IL1A: variants seen among roughly 807,000 people sequenced by gnomAD.
The protein encoded by IL1A is interleukin-1 alpha.
In IL1A, 16 loss-of-function variants were observed where a neutral mutation model predicts 22.2. The observed-to-expected ratio is 0.72, with a 90% confidence interval of 0.49 to 1.09. The LOEUF is 1.09. IL1A is among the 50% of genes least tolerant of loss of function. The pLI, the probability that IL1A is intolerant of heterozygous loss-of-function variation, is 0.00. For synonymous variants in IL1A, 113 were observed against 118.5 expected (o/e 0.95, Z 0.30); for missense variants, 317 against 321.8 (o/e 0.99, Z 0.11).
chr2:112,781,939 T>C, intron 3 of IL1A, 113 bp from the exon 4 acceptor site: 1 of 705,880 alleles, frequency 1.4e-6, no homozygotes, highest in Non-Finnish European at 2.5e-6. Context: ...ATTCTGGTCT[T>C]AGGTAACTGG....
At chr2:112,782,855 A>G (rs1418033566) in intron 2 of IL1A, 91 bp from the exon 3 acceptor site, 18 of 862,840 alleles carry the variant, frequency 2.1e-5, no homozygotes, top group Non-Finnish European at 3.5e-5. Flanking sequence ...GTTGTGGGTC[A>G]CACACATACA....
rs762250148 is a variant in IL1A at position 112,774,922 on chromosome 2, T to TA, written c.*144dup. The TA allele has an allele frequency of 1.0e-4, 64 of 640,986 alleles. No homozygotes were observed. The highest frequency in any genetic ancestry group is 1.7e-4 in the Non-Finnish European group (60 of 363,610). The allele number at this position is 640,986 out of a possible 1,614,324, so 39.7% of individuals were successfully genotyped here. ...TATATGTTAGTGTTGGTTCCACTCT[T>TA]ACAAAGAGTGTAAACATTCATTTAG... On this transcript the variant is annotated 3_prime_UTR_variant, in exon 7 of 7. Coordinates refer to ENST00000263339, the MANE Select transcript of IL1A (RefSeq NM_000575.5).
At chr2:112,778,187 G>A in intron 5 of IL1A, 76 bp from the exon 6 acceptor site, 1 of 1,251,574 alleles carries the variant, frequency 8.0e-7, no homozygotes. Context: ...TAGATTGTGT[G>A]TGCATGGTGT....
In IL1A at chr2:112,782,132, C is replaced by T. The variant is rs3783576; in HGVS notation, c.97-306G>A. Reference sequence around the variant, plus strand: ...GGTAGCTTTCCAATTAGTTCCCTCTCAGGAGGTTAAAAATCTGCTTAACAA... The same window carrying T: ...GGTAGCTTTCCAATTAGTTCCCTCTTAGGAGGTTAAAAATCTGCTTAACAA... On this transcript the variant is annotated intron_variant, in intron 3 of 6. Coordinates refer to ENST00000263339, the MANE Select transcript of IL1A (RefSeq NM_000575.5). Among the ~76,000 whole-genome samples the T allele has an allele frequency of 5.4e-3, 816 of 152,332 alleles. 9 individuals are homozygous for T. Among genetic ancestry groups the T allele is most frequent in the African/African-American group, 0.019 (789 of 41,560 alleles).
At chr2:112,780,518 A>AT (rs1201410414) in intron 4 of IL1A, among the ~76,000 whole-genome samples, 1 of 152,218 alleles carries the variant, frequency 6.6e-6, no homozygotes, top group Non-Finnish European at 1.5e-5. Flanking sequence ...CAGTAAAGGG[A>AT]TGGAGGAGAA....
chr2:112,777,434 A>G (rs1681118452), intron 6 of IL1A, among the ~76,000 whole-genome samples: 1 of 152,186 alleles, frequency 6.6e-6, no homozygotes, highest in Admixed American at 6.5e-5. Flanking sequence ...TGGAGAAAAC[A>G]TCTAAGGCTG....
intron 2 of IL1A, 88 bp downstream of exon 2, chr2:112,783,636 C>T: frequency 1.8e-6 from 2 of 1,090,290 alleles, no homozygotes; most frequent in Non-Finnish European, 2.8e-6. Context: ...GCCGGCCTGC[C>T]CCCATGCTGG....
Position 112,779,550 on chromosome 2 carries a change from G to A in IL1A, c.436C>T (p.Arg146Ter). 3 of 1,610,058 alleles carry A rather than the reference G, an allele frequency of 1.9e-6. No individual in the cohort carries two copies. Among genetic ancestry groups the A allele is most frequent in the Non-Finnish European group, 2.5e-6 (3 of 1,177,050 alleles). The part of the protein sequence containing the change: ...LNDALNQSII[R>*]ANDQYLTAAA... ...GCCGTGAGGTACTGATCATTGGCTC[G>A]AATTATACTTTGATTGAGGGCGTCA... is the stretch of plus-strand genomic sequence containing the variant. The change falls in exon 5 of 7, where the codon CGA becomes TGA. Residue 146 changes from arginine (R) to a stop codon, truncating the protein, a stop_gained. Coordinates refer to ENST00000263339, the MANE Select transcript of IL1A (RefSeq NM_000575.5). LOFTEE classifies it high-confidence loss of function.
Position 112,774,930 on chromosome 2 carries a change from G to C in IL1A, c.*137C>G. Reference sequence around the variant, plus strand: ...AGTGTTGGTTCCACTCTTACAAAGAGTGTAAACATTCATTTAGAATTACAA... The same window carrying C: ...AGTGTTGGTTCCACTCTTACAAAGACTGTAAACATTCATTTAGAATTACAA... On this transcript the variant is annotated 3_prime_UTR_variant, in exon 7 of 7. Coordinates refer to ENST00000263339, the MANE Select transcript of IL1A (RefSeq NM_000575.5). 2 of 657,276 alleles carry C rather than the reference G, an allele frequency of 3.0e-6. No homozygotes were observed. Among genetic ancestry groups the C allele is most frequent in the Non-Finnish European group, 5.4e-6 (2 of 373,284 alleles). The allele number at this position is 657,276 out of a possible 1,614,324, so 40.7% of individuals were successfully genotyped here.
At position 112,778,085 on chromosome 2, in the gene IL1A, A is replaced by T. The variant is rs773846301; in HGVS notation, c.517T>A (p.Ser173Thr). The T allele has an allele frequency of 7.4e-6, 12 of 1,613,432 alleles. 1 individual carries two copies. Among genetic ancestry groups the T allele is most frequent in the South Asian group, 4.4e-5 (4 of 90,998 alleles). The change falls in exon 6 of 7, where the codon TCA (serine) becomes ACA (threonine). Residue 173 changes from serine to threonine, a missense_variant. Ser to Thr is a moderately conservative substitution (Grantham distance 58). Coordinates refer to ENST00000263339, the MANE Select transcript of IL1A (RefSeq NM_000575.5). ...GTAATTTTAGCATCATCCTTTGATGACTTATAAGCACCCATGTCAAATTTC... is the reference window on the plus strand; with the variant it reads ...GTAATTTTAGCATCATCCTTTGATGTCTTATAAGCACCCATGTCAAATTTC... The part of the protein sequence containing the change: ...AVKFDMGAYK[S>T]SKDDAKITVI...
chr2:112,777,956 GAAGGT>G (rs774929055), intron 6 of IL1A, 26 bp downstream of exon 6: 2 of 1,612,294 alleles, frequency 1.2e-6, no homozygotes, highest in Non-Finnish European at 1.7e-6. Context: ...AGATGTAAAT[GAAGGT>G]AAGTTGGAGA....
Position 112,773,972 on chromosome 2 carries a change from C to T in IL1A, c.*1095G>A, listed in dbSNP as rs998954266. On this transcript the variant is annotated 3_prime_UTR_variant, in exon 7 of 7. Coordinates refer to ENST00000263339, the MANE Select transcript of IL1A (RefSeq NM_000575.5). ...TTATGACTGATAACACTCTATCAAT[C>T]ACTATTGTTGATAATAATGTAACAT... 1 of 152,138 alleles carries T rather than the reference C, an allele frequency of 6.6e-6. No individual in the cohort carries two copies. Among genetic ancestry groups the T allele is most frequent in the Admixed American group, 6.6e-5 (1 of 15,262 alleles). 9.4% of individuals were successfully genotyped at this position (152,138 alleles called of 1,614,324 possible).
At chr2:112,777,051 A>G (rs946705039) in intron 6 of IL1A, among the ~76,000 whole-genome samples, 1 of 150,820 alleles carries the variant, frequency 6.6e-6, no homozygotes, top group Non-Finnish European at 1.5e-5. Flanking sequence ...CTTTGTTTTT[A>G]CCACTTTGTC....
chr2:112,775,075 G>C lies in IL1A; in HGVS notation c.808C>G (p.Gln270Glu). The C allele has an allele frequency of 3.1e-6, 5 of 1,613,730 alleles. No homozygotes were observed. Among genetic ancestry groups the C allele is most frequent in the Non-Finnish European group, 4.2e-6 (5 of 1,179,698 alleles). The change falls in exon 7 of 7, where the codon CAG (glutamine) becomes GAG (glutamate). Residue 270 changes from glutamine to glutamate, a missense_variant. Transcript: ENST00000263339. ...CAAGTGAGACTCCAGACCTACGCCT[G>C]GTTTTCCAGTATCTGAAAGTCAGTG... is the stretch of plus-strand genomic sequence containing the variant. ...SITDFQILENQA is the reference protein window; with the variant it reads ...SITDFQILENEA
chr2:112,778,193 G>GTGTGT, intron 5 of IL1A, 82 bp from the exon 6 acceptor site: 2 of 661,606 alleles, frequency 3.0e-6, no homozygotes, highest in Non-Finnish European at 5.0e-6. Flanking sequence ...GTGTGTGCAT[G>GTGTGT]GTGTGTGTGT....
chr2:112,782,420 C>T (rs970550842), intron 3 of IL1A, among the ~76,000 whole-genome samples: 19 of 152,214 alleles, frequency 1.2e-4, no homozygotes, highest in African/African-American at 4.3e-4. Context: ...CCTGGTGAAG[C>T]GGCCTGCGGG....
rs1681251187 is a variant in IL1A at position 112,783,607 on chromosome 2, A to G, written c.47+117T>C. 3.7e-5 allele frequency: 30 copies of G among 805,740 alleles called. 1 individual carries two copies. In the South Asian group the frequency reaches 4.3e-4, roughly 12 times the overall value. The allele number at this position is 805,740 out of a possible 1,614,324, so 49.9% of individuals were successfully genotyped here. ...AACCTGCTCTGACTTCAGGACTAGTACACATCTCTACAACCTCTGCCGGCC... is the reference window on the plus strand; with the variant it reads ...AACCTGCTCTGACTTCAGGACTAGTGCACATCTCTACAACCTCTGCCGGCC... On this transcript the variant is annotated intron_variant, in intron 2 of 6. Transcript: ENST00000263339.
intron 2 of IL1A, 151 bp from the exon 3 acceptor site, chr2:112,782,915 A>T (rs1249513478): frequency 3.4e-6 from 2 of 582,638 alleles, no homozygotes; most frequent in Non-Finnish European, 6.2e-6. Flanking sequence ...ACACATACAC[A>T]TAGGTAGAGT....
chr2:112,778,191 A>AT, intron 5 of IL1A, 80 bp from the exon 6 acceptor site: 1 of 780,036 alleles, frequency 1.3e-6, no homozygotes, highest in Non-Finnish European at 1.9e-6. Flanking sequence ...TTGTGTGTGC[A>AT]TGGTGTGTGT....
Sources: allele counts gnomAD v4.1 joint callset (sites outside exome capture counted in the v4.1 genomes callset), GRCh38; gene constraint gnomAD v4.1.1; transcripts MANE v1.5; gene names NCBI Gene and HGNC (gene_info 2026-07-23, HGNC 2026-07-21).